The following LEO1 variants were observed in gnomAD, a reference collection of about 807,000 sequenced individuals.
LEO1 encodes LEO1 component of Paf1/RNA polymerase II complex.
LEO1 carries 34 observed loss-of-function variants against 80.4 expected under a neutral mutation model. That is an observed-to-expected ratio of 0.42 (90% CI 0.32 to 0.56). The LOEUF (loss-of-function observed/expected upper bound fraction) is 0.56, where lower values mean the gene tolerates loss of function less well. Among genes scored for constraint, LEO1 ranks in the 20% least tolerant of loss-of-function variants. The pLI, the probability that LEO1 is intolerant of heterozygous loss-of-function variation, is 0.10. For synonymous variants in LEO1, 262 were observed against 274.9 expected (o/e 0.95, Z 0.46); for missense variants, 631 against 814.2 (o/e 0.77, Z 2.74).
intron 1 of LEO1, among the ~76,000 whole-genome samples, chr15:51,969,571 G>C (rs1455956070): frequency 6.6e-6 from 1 of 151,618 alleles, no homozygotes; most frequent in Non-Finnish European, 1.5e-5. Flanking sequence ...GGAGGCAAAG[G>C]CAGGAGAATC....
At position 51,966,335 on chromosome 15, in the gene LEO1, A is replaced by T. The variant is rs754330340; in HGVS notation, c.228T>A (p.Gly76=). 3.1e-6 allele frequency: 5 copies of T among 1,614,062 alleles called. No individual in the cohort carries two copies. Among genetic ancestry groups the T allele is most frequent in the Admixed American group, 1.7e-5 (1 of 59,988 alleles). The change falls in exon 2 of 12, where the codon GGT becomes GGA. Residue 76 remains glycine, a synonymous_variant. Coordinates refer to ENST00000299601, the MANE Select transcript of LEO1 (RefSeq NM_138792.4). ...SEDEGASHHS[G]SDNHSERSDN... ...CTGATCTTTCAGAGTGATTATCACT[A>T]CCACTATGATGTGAAGCTCCCTCGT...
intron 7 of LEO1, among the ~76,000 whole-genome samples, chr15:51,953,995 G>A (rs2959292): frequency 0.35 from 52,990 of 150,302 alleles, 9,923 homozygotes; most frequent in Admixed American, 0.43. Flanking sequence ...GTGCAGTGGC[G>A]CGATCTCGGC....
chr15:51,968,991 C>T (rs750244972), intron 1 of LEO1, among the ~76,000 whole-genome samples: 1 of 152,156 alleles, frequency 6.6e-6, no homozygotes, highest in African/African-American at 2.4e-5. Flanking sequence ...TTCTTGGAGA[C>T]AGAGTCTCGC....
At chr15:51,949,564 G>A (rs2056929773) in intron 10 of LEO1, among the ~76,000 whole-genome samples, 1 of 152,018 alleles carries the variant, frequency 6.6e-6, no homozygotes, top group South Asian at 2.1e-4. Flanking sequence ...GCCAGGTGTG[G>A]TGGCGCACAC....
intron 7 of LEO1, among the ~76,000 whole-genome samples, 191 bp downstream of exon 7, chr15:51,954,290 G>T (rs924412580): frequency 5.3e-5 from 8 of 151,914 alleles, no homozygotes; most frequent in African/African-American, 1.7e-4. Flanking sequence ...TGGGAGATGG[G>T]AGGATCACTT....
chr15:51,969,311 A>C (rs970315201), intron 1 of LEO1, among the ~76,000 whole-genome samples: 6 of 151,950 alleles, frequency 3.9e-5, no homozygotes, highest in Non-Finnish European at 5.9e-5. Flanking sequence ...CTCCAAACAA[A>C]GTTACACAAA....
intron 1 of LEO1, among the ~76,000 whole-genome samples, chr15:51,968,093 C>G (rs1002797006): frequency 5.9e-5 from 9 of 151,820 alleles, no homozygotes; most frequent in African/African-American, 2.2e-4. Flanking sequence ...TGAGGCAGGA[C>G]AATCGCTTGA....
At chr15:51,971,580 T>C in intron 1 of LEO1, 108 bp downstream of exon 1, 1 of 1,099,130 alleles carries the variant, frequency 9.1e-7, no homozygotes, top group South Asian at 1.2e-5. Context: ...GAGGCAGGAG[T>C]GGAGGAAACG....
intron 6 of LEO1, among the ~76,000 whole-genome samples, chr15:51,957,135 C>T (rs1201809007): frequency 6.6e-6 from 1 of 152,088 alleles, no homozygotes; most frequent in Non-Finnish European, 1.5e-5. Context: ...TGAAGTCTGA[C>T]ACCCATACTA....
At chr15:51,948,966 A>C (rs538118656) in intron 10 of LEO1, among the ~76,000 whole-genome samples, 1 of 152,356 alleles carries the variant, frequency 6.6e-6, no homozygotes, top group East Asian at 1.9e-4. Context: ...CCTTTGGGCA[A>C]ATTAGTCAAC....
chr15:51,965,806 C>A lies in LEO1; in HGVS notation c.757G>T (p.Ala253Ser). 1 of 1,613,928 alleles carries A rather than the reference C, an allele frequency of 6.2e-7. No homozygotes were observed. The highest frequency in any genetic ancestry group is 8.5e-7 in the Non-Finnish European group (1 of 1,179,942). The change falls in exon 2 of 12, where the codon GCC (alanine) becomes TCC (serine). Residue 253 changes from alanine (A) to serine (S), a missense_variant. Physicochemically the swap from Ala to Ser is moderately conservative, Grantham distance 99. This residue lies in a region of LEO1 where 394 missense variants were observed against 395.6 expected (regional missense o/e 1.00). Transcript: ENST00000299601. Reference protein sequence around the residue: ...MQNSDDERPQASDEEHRHSDD... With the variant: ...MQNSDDERPQSSDEEHRHSDD... Reference sequence around the variant, plus strand: ...GAATGCCTGTGTTCTTCATCTGAGGCCTGTGGCCTTTCATCATCAGAATTT... The same window carrying A: ...GAATGCCTGTGTTCTTCATCTGAGGACTGTGGCCTTTCATCATCAGAATTT...
At chr15:51,939,984 G>A (rs895950654) in intron 11 of LEO1, among the ~76,000 whole-genome samples, 2 of 152,346 alleles carry the variant, frequency 1.3e-5, no homozygotes, top group Middle Eastern at 3.4e-3. Context: ...GGCCGGGCGC[G>A]ATGGCTCACG....
intron 8 of LEO1, among the ~76,000 whole-genome samples, chr15:51,952,821 G>A (rs750888094): frequency 6.6e-6 from 1 of 152,076 alleles, no homozygotes; most frequent in Non-Finnish European, 1.5e-5. Context: ...AGGACACACT[G>A]GCTAGCAGAC....
chr15:51,966,692 C>T (rs2057080776), intron 1 of LEO1, among the ~76,000 whole-genome samples, 188 bp from the exon 2 acceptor site: 1 of 152,168 alleles, frequency 6.6e-6, no homozygotes, highest in Non-Finnish European at 1.5e-5. Context: ...AGGCAGATCA[C>T]CTGAGGTCAG....
In LEO1 at chr15:51,966,345, T is replaced by C; in HGVS notation, c.218A>G (p.His73Arg). Reference sequence around the variant, plus strand: ...AGAGTGATTATCACTACCACTATGATGTGAAGCTCCCTCGTCCTCACTGTC... The same window carrying C: ...AGAGTGATTATCACTACCACTATGACGTGAAGCTCCCTCGTCCTCACTGTC... The part of the protein sequence containing the change: ...GDDSEDEGAS[H>R]HSGSDNHSER... The change falls in exon 2 of 12, where the codon CAT becomes CGT. Residue 73 changes from histidine to arginine, a missense_variant. Physicochemically the swap from His to Arg is conservative, Grantham distance 29 (BLOSUM62 0). Coordinates refer to ENST00000299601, the MANE Select transcript of LEO1 (RefSeq NM_138792.4). 6.2e-7 allele frequency: 1 copy of C among 1,614,192 alleles called. No homozygotes were observed. Among genetic ancestry groups the C allele is most frequent in the South Asian group, 1.1e-5 (1 of 91,086 alleles).
At chr15:51,956,422 CAA>C (rs34613118) in intron 6 of LEO1, among the ~76,000 whole-genome samples, 1 of 78,578 alleles carries the variant, frequency 1.3e-5, no homozygotes. Context: ...GACTCCATCT[CAA>C]AAAAAAAAAA....
intron 11 of LEO1, among the ~76,000 whole-genome samples, chr15:51,938,605 A>G (rs1450032420): frequency 6.6e-6 from 1 of 152,070 alleles, no homozygotes; most frequent in African/African-American, 2.4e-5. Flanking sequence ...TCAGCATTTC[A>G]CTTCTTTTCA....
chr15:51,968,622 A>T (rs752854410), intron 1 of LEO1, among the ~76,000 whole-genome samples: 7 of 152,070 alleles, frequency 4.6e-5, no homozygotes, highest in Non-Finnish European at 1.0e-4. Context: ...CGAGGTCAGG[A>T]GTTTGAGAAC....
chr15:51,956,626 G>T (rs572549227), intron 6 of LEO1, among the ~76,000 whole-genome samples: 155 of 152,168 alleles, frequency 1.0e-3, no homozygotes, highest in Middle Eastern at 6.8e-3. Flanking sequence ...GCTGTACCTG[G>T]TTCCCTGGTT....
Sources: gnomAD v4.1 joint callset for allele counts (sites outside exome capture counted in the v4.1 genomes callset) on GRCh38, gnomAD v4.1.1 for gene constraint, gnomAD v4.1.1 regional missense constraint, MANE v1.5 for transcripts, NCBI Gene and HGNC (gene_info 2026-07-23, HGNC 2026-07-21) for gene names.